VARS2: variants seen among roughly 807,000 people sequenced by gnomAD.
VARS2 encodes the protein valine--tRNA ligase, mitochondrial.
In VARS2, 105 loss-of-function variants were observed where a neutral mutation model predicts 154.1. The ratio of observed to expected loss-of-function variants is 0.68; its 90% CI spans 0.58 to 0.80. The LOEUF (loss-of-function observed/expected upper bound fraction) is 0.80. VARS2 is among the 30% of genes least tolerant of loss of function. The probability of loss-of-function intolerance (pLI) is 0.00; values close to 1 mark genes in which losing one functional copy is unlikely to be tolerated. For missense variants in VARS2, 1,157 were observed against 1,361.4 expected (o/e 0.85, Z 2.36); for synonymous variants, 483 against 539.5 (o/e 0.90, Z 1.45).
Position 30,920,320 on chromosome 6 carries a change from G to A in VARS2, c.1294-13G>A, listed in dbSNP as rs747741375. On this transcript the variant is annotated splice_polypyrimidine_tract_variant and intron_variant, in intron 13 of 29. Coordinates refer to ENST00000676266, the MANE Select transcript of VARS2 (RefSeq NM_020442.6). The surrounding 1 kb of genome is among the most constrained non-coding windows in gnomAD (Gnocchi z 4.6). ...GAGGCCTTCAGTCTTTACTCTTGCC[G>A]CTTTTTCTCCAGGGTCTTCACCGGT... is the stretch of plus-strand genomic sequence containing the variant. 8 of 1,602,492 alleles carry A rather than the reference G, an allele frequency of 5.0e-6. No individual in the cohort carries two copies. Among genetic ancestry groups the A allele is most frequent in the South Asian group, 3.4e-5 (3 of 88,924 alleles).
At chr6:30,923,312 G>C in intron 24 of VARS2, 41 bp from the exon 25 acceptor site, 2 of 1,606,242 alleles carry the variant, frequency 1.2e-6, no homozygotes, top group Non-Finnish European at 8.5e-7. Flanking sequence ...AAAGGAGGCA[G>C]GGGAGGGGGA....
At chr6:30,914,401 C>A in intron 1 of VARS2, 57 bp downstream of exon 1, 1 of 1,264,848 alleles carries the variant, frequency 7.9e-7, no homozygotes, top group Non-Finnish European at 9.9e-7. Context: ...GTCCTGGGCC[C>A]AGGCCTTGGG....
Position 30,921,404 on chromosome 6 carries a change from T to C in VARS2, c.1632+99T>C, listed in dbSNP as rs1794504107. 1.3e-6 allele frequency: 2 copies of C among 1,495,806 alleles called. No individual in the cohort carries two copies. The highest frequency in any genetic ancestry group is 1.8e-6 in the Non-Finnish European group (2 of 1,082,212). The allele number at this position is 1,495,806 out of a possible 1,614,324, so 92.7% of individuals were successfully genotyped here. A position where few individuals can be genotyped will look rare whatever the true frequency, so the allele number is the denominator to read the frequency against. ...GCCAAGTCCCGCTCCTGCCTGGTCA[T>C]GTGCTTCATGCTCATAGTCATGTAA... is the stretch of plus-strand genomic sequence containing the variant. On this transcript the variant is annotated intron_variant, in intron 17 of 29. Coordinates refer to ENST00000676266, the MANE Select transcript of VARS2 (RefSeq NM_020442.6). This position sits in a 1 kb window ranked among gnomAD's most constrained non-coding sequence, Gnocchi z 4.6.
chr6:30,921,446 G>C lies in VARS2; in HGVS notation c.1632+141G>C. ...GTCATGTAACCTTCTGCGCGATCAA[G>C]GCTCCCTGAAGTGGCATTTCTTTAT... is the stretch of plus-strand genomic sequence containing the variant. On this transcript the variant is annotated intron_variant, in intron 17 of 29. Coordinates refer to ENST00000676266, the MANE Select transcript of VARS2 (RefSeq NM_020442.6). The surrounding 1 kb of genome is among the most constrained non-coding windows in gnomAD (Gnocchi z 4.6). 1 of 1,415,100 alleles carries C rather than the reference G, an allele frequency of 7.1e-7. No individual in the cohort carries two copies. The highest frequency in any genetic ancestry group is 9.8e-7 in the Non-Finnish European group (1 of 1,022,690). The allele number at this position is 1,415,100 out of a possible 1,614,324, so 87.7% of individuals were successfully genotyped here. A position where few individuals can be genotyped will look rare whatever the true frequency, so the allele number is the denominator to read the frequency against.
Position 30,915,201 on chromosome 6 carries a change from T to C in VARS2, c.247T>C (p.Leu83=), listed in dbSNP as rs1210985717. The part of the protein sequence containing the change: ...IKAWRPKELV[L]YEIPTKPGEK... ...GGCCTGGAGGCCTAAGGAGTTAGTA[T>C]TGTATGAAATCCCTACGAAACCCGG... Residue 83 remains leucine, a synonymous_variant, in exon 3 of 30, where the codon TTG becomes CTG. Coordinates refer to ENST00000676266, the MANE Select transcript of VARS2 (RefSeq NM_020442.6). 1.9e-6 allele frequency: 3 copies of C among 1,614,090 alleles called. No individual in the cohort carries two copies. Among genetic ancestry groups the C allele is most frequent in the Non-Finnish European group, 8.5e-7 (1 of 1,180,038 alleles).
rs1182286300 is a variant in VARS2 at position 30,916,914 on chromosome 6, G to C, written c.708G>C (p.Leu236=). The change falls in exon 8 of 30, where the codon CTG becomes CTC. Residue 236 remains leucine (L), a synonymous_variant. Transcript: ENST00000676266. The surrounding 1 kb of genome is among the most constrained non-coding windows in gnomAD (Gnocchi z 4.0). ...GGEICEQLRA[L]GASLDWDREC... ...AGATCTGTGAGCAGCTGCGAGCTCT[G>C]GGTGCCTCCCTGGACTGGGATCGAG... is the stretch of plus-strand genomic sequence containing the variant. 1 of 1,614,216 alleles carries C rather than the reference G, an allele frequency of 6.2e-7. No individual in the cohort carries two copies. The highest frequency in any genetic ancestry group is 8.5e-7 in the Non-Finnish European group (1 of 1,180,046).
Position 30,921,138 on chromosome 6 carries a change from T to A in VARS2, c.1553T>A (p.Ile518Asn). ...AACTGGCAGCACTGGTTTTCCCATA[T>A]TGGGTAAGGGTAGGGTAAGGGGAGC... ...QKNWQHWFSHIGDWCVSRQLW... is the reference protein window; with the variant it reads ...QKNWQHWFSHNGDWCVSRQLW... Residue 518 changes from isoleucine (I) to asparagine (N), a missense_variant, in exon 16 of 30, where the codon ATT becomes AAT. Coordinates refer to ENST00000676266, the MANE Select transcript of VARS2 (RefSeq NM_020442.6). The surrounding 1 kb of genome is among the most constrained non-coding windows in gnomAD (Gnocchi z 4.6). The A allele has an allele frequency of 6.2e-7, 1 of 1,613,890 alleles. No homozygotes were observed.
At position 30,917,035 on chromosome 6, in the gene VARS2, T is replaced by A. The variant is rs1200320923; in HGVS notation, c.754-70T>A. On this transcript the variant is annotated intron_variant, in intron 8 of 29. Coordinates refer to ENST00000676266, the MANE Select transcript of VARS2 (RefSeq NM_020442.6). The surrounding 1 kb of genome is among the most constrained non-coding windows in gnomAD (Gnocchi z 4.4). ...TCTGTGTGGGGCAGGGAGGAAGCAA[T>A]GCCTGGGTCCCTGAGCAGGGTGATG... The A allele has an allele frequency of 3.1e-6, 5 of 1,613,516 alleles. No individual in the cohort carries two copies. The highest frequency in any genetic ancestry group is 4.2e-6 in the Non-Finnish European group (5 of 1,179,610).
intron 25 of VARS2, 131 bp downstream of exon 25, chr6:30,923,636 G>C: frequency 7.4e-7 from 1 of 1,342,736 alleles, no homozygotes; most frequent in South Asian, 1.4e-5. Context: ...GAGGAGACGA[G>C]GGAGTCTCAG....
chr6:30,916,801 TGCTGGGGGCATC>T lies in VARS2; in HGVS notation c.672-70_672-59del. 6.9e-7 allele frequency: 1 copy of T among 1,457,352 alleles called. No individual in the cohort carries two copies. The highest frequency in any genetic ancestry group is 9.6e-7 in the Non-Finnish European group (1 of 1,037,994). 90.3% of individuals were successfully genotyped at this position (1,457,352 alleles called of 1,614,324 possible). A position where few individuals can be genotyped will look rare whatever the true frequency, so the allele number is the denominator to read the frequency against. On this transcript the variant is annotated intron_variant, in intron 7 of 29. Coordinates refer to ENST00000676266, the MANE Select transcript of VARS2 (RefSeq NM_020442.6). This position sits in a 1 kb window ranked among gnomAD's most constrained non-coding sequence, Gnocchi z 4.0. ...TTGATTTTCCTCCAACACCTGGCAT[TGCTGGGGGCATC>T]GCTGGGCCTGGTACATAGGAAGTGC...
Position 30,922,237 on chromosome 6 carries a change from G to A in VARS2, c.1928G>A (p.Ser643Asn). 6.2e-7 allele frequency: 1 copy of A among 1,611,256 alleles called. No individual in the cohort carries two copies. Among genetic ancestry groups the A allele is most frequent in the Non-Finnish European group, 8.5e-7 (1 of 1,179,214 alleles). Residue 643 changes from serine (S) to asparagine (N), a missense_variant, in exon 20 of 30, where the codon AGC becomes AAC. Transcript: ENST00000676266. The part of the protein sequence containing the change: ...GTQLTGQLPF[S>N]KVLLHPMVRD... Reference sequence around the variant, plus strand: ...CAGCTCACAGGGCAGCTGCCCTTCAGCAAGGTAAGAGCCCTTCAGTGCCCT... The same window carrying A: ...CAGCTCACAGGGCAGCTGCCCTTCAACAAGGTAAGAGCCCTTCAGTGCCCT...
rs1057518559 is a variant in VARS2, at chr6:30,923,146, G to A, written c.2228G>A (p.Arg743Gln). 1.9e-6 allele frequency: 3 copies of A among 1,612,948 alleles called. No individual in the cohort carries two copies. The highest frequency in any genetic ancestry group is 1.3e-5 in the African/African-American group (1 of 74,914). The part of the protein sequence containing the change: ...HLSVSEVQSC[R>Q]HFCNKIWNAL... ...TCAGTCTCTGAGGTCCAGAGCTGCC[G>A]ACATTTCTGCAACAAGATCTGGAAT... The change falls in exon 24 of 30, where the codon CGA (arginine) becomes CAA (glutamine). Residue 743 changes from arginine (R) to glutamine (Q), a missense_variant. Arg to Gln is a conservative substitution (Grantham distance 43). Coordinates refer to ENST00000676266, the MANE Select transcript of VARS2 (RefSeq NM_020442.6).
chr6:30,918,872 G>A lies in VARS2; in HGVS notation c.1031G>A (p.Gly344Glu), dbSNP rs768391837. 2 of 1,612,994 alleles carry A rather than the reference G, an allele frequency of 1.2e-6. No individual in the cohort carries two copies. The highest frequency in any genetic ancestry group is 3.3e-5 in the Admixed American group (2 of 60,024). ...VGTTRPETLP[G>E]DVAVAVHPDD... Reference sequence around the variant, plus strand: ...ACCACAAGGCCAGAGACGCTGCCTGGAGATGTGGCTGTGGCCGTTCATCCA... The same window carrying A: ...ACCACAAGGCCAGAGACGCTGCCTGAAGATGTGGCTGTGGCCGTTCATCCA... The change falls in exon 11 of 30, where the codon GGA (glycine) becomes GAA (glutamate). Residue 344 changes from glycine to glutamate, a missense_variant. Gly to Glu is a moderately conservative substitution (Grantham distance 98, BLOSUM62 -2). Coordinates refer to ENST00000676266, the MANE Select transcript of VARS2 (RefSeq NM_020442.6).
In VARS2 at chr6:30,920,587, C is replaced by A; in HGVS notation, c.1398-81C>A. Reference sequence around the variant, plus strand: ...CTATTGTATCCTCAGTACCAAGGGCCTGGCATGGCATGGGGTCTTGTGCCC... The same window carrying A: ...CTATTGTATCCTCAGTACCAAGGGCATGGCATGGCATGGGGTCTTGTGCCC... On this transcript the variant is annotated intron_variant, in intron 14 of 29. Coordinates refer to ENST00000676266, the MANE Select transcript of VARS2 (RefSeq NM_020442.6). This position sits in a 1 kb window ranked among gnomAD's most constrained non-coding sequence, Gnocchi z 4.6. 1 of 1,376,756 alleles carries A rather than the reference C, an allele frequency of 7.3e-7. No homozygotes were observed. The highest frequency in any genetic ancestry group is 9.8e-7 in the Non-Finnish European group (1 of 1,018,048). The allele number at this position is 1,376,756 out of a possible 1,614,324, so 85.3% of individuals were successfully genotyped here. A position where few individuals can be genotyped will look rare whatever the true frequency, so the allele number is the denominator to read the frequency against.
chr6:30,922,112 C>T lies in VARS2; in HGVS notation c.1807-4C>T, dbSNP rs772615126. ...GGGCCTCTTACTGCTCCTCTTCCCC[C>T]TAGACCCCAGACCTTGCTCGTTTCT... On this transcript the variant is annotated splice_polypyrimidine_tract_variant and splice_region_variant and intron_variant, in intron 19 of 29. Coordinates refer to ENST00000676266, the MANE Select transcript of VARS2 (RefSeq NM_020442.6). The T allele has an allele frequency of 6.2e-7, 1 of 1,612,638 alleles. No homozygotes were observed. Among genetic ancestry groups the T allele is most frequent in the Non-Finnish European group, 8.5e-7 (1 of 1,179,812 alleles).
intron 2 of VARS2, 58 bp from the exon 3 acceptor site, chr6:30,915,098 G>A (rs1794066986): frequency 1.2e-6 from 2 of 1,610,986 alleles, no homozygotes; most frequent in South Asian, 2.2e-5. Context: ...GGAGGAGACC[G>A]GCTGAAATGC....
At position 30,921,935 on chromosome 6, in the gene VARS2, C is replaced by T. The variant is rs1294935782; in HGVS notation, c.1746C>T (p.Val582=). Residue 582 remains valine, a synonymous_variant, in exon 19 of 30, where the codon GTC becomes GTT. Coordinates refer to ENST00000676266, the MANE Select transcript of VARS2 (RefSeq NM_020442.6). This position sits in a 1 kb window ranked among gnomAD's most constrained non-coding sequence, Gnocchi z 4.6. ...AELTLERDPD[V]LDTWFSSALF... is the part of the protein sequence containing the mutation. The stretch of plus-strand genomic sequence containing the variant: ...TTTTCTGTTTCCCAGATCCTGATGT[C>T]CTAGACACATGGTTTTCTTCTGCCC... 6.2e-7 allele frequency: 1 copy of T among 1,612,898 alleles called. No homozygotes were observed. The highest frequency in any genetic ancestry group is 1.3e-5 in the African/African-American group (1 of 74,896).
chr6:30,916,456 GT>G lies in VARS2; in HGVS notation c.671+208del. ...ATTATATATGCATTAGAATATTCGT[GT>G]GTGTGTGTGTGTGTGTGTGTATTTA... On this transcript the variant is annotated intron_variant, in intron 7 of 29. Transcript: ENST00000676266. The surrounding 1 kb of genome is among the most constrained non-coding windows in gnomAD (Gnocchi z 4.0). 1 of 362,918 alleles carries G rather than the reference GT, an allele frequency of 2.8e-6. No individual in the cohort carries two copies. The highest frequency in any genetic ancestry group is 2.4e-5 in the African/African-American group (1 of 41,822). The allele number at this position is 362,918 out of a possible 1,614,324, so 22.5% of individuals were successfully genotyped here. A position where few individuals can be genotyped will look rare whatever the true frequency, so the allele number is the denominator to read the frequency against.
chr6:30,924,040 A>G (rs1407457345), intron 25 of VARS2: 6 of 477,478 alleles, frequency 1.3e-5, no homozygotes, highest in African/African-American at 2.0e-5. Context: ...CTGGCTGTGG[A>G]CCACTGCCCT....
Sources: allele counts gnomAD v4.1 joint callset, GRCh38; gene constraint gnomAD v4.1.1; non-coding constraint Gnocchi (gnomAD v3.1); transcripts MANE v1.5; gene names NCBI Gene and HGNC (gene_info 2026-07-23, HGNC 2026-07-21).